PCLO: variants seen among roughly 807,000 people sequenced by gnomAD.
The protein encoded by PCLO is piccolo presynaptic cytomatrix protein.
PCLO carries 82 observed loss-of-function variants against 427.5 expected under a neutral mutation model. That is an observed-to-expected ratio of 0.19 (90% CI 0.16 to 0.23). The LOEUF is 0.23. Ranked by LOEUF, PCLO falls within the 10% of genes least tolerant of loss-of-function variation. The probability of loss-of-function intolerance (pLI) is 1.00; values close to 1 mark genes in which losing one functional copy is unlikely to be tolerated. For synonymous variants in PCLO, 2,357 were observed against 2,155.4 expected, an observed-to-expected ratio of 1.09 and a Z score of -2.59; for missense variants, 6,239 against 6,115.9, an observed-to-expected ratio of 1.02 and a Z score of -0.67.
At position 82,943,906 on chromosome 7, in the gene PCLO, C is replaced by G. The variant is rs150034968; in HGVS notation, c.11112+5570G>C. Among the ~76,000 whole-genome samples the G allele has an allele frequency of 6.4e-3, 967 of 151,814 alleles. 15 individuals are homozygous for G. The highest frequency in any genetic ancestry group is 0.022 in the African/African-American group (906 of 41,396). ...GGTGCGGTGGCTCACGTCTGTAATG[C>G]CAGCACTCTGGGAGGCCGAGGCGGG... On this transcript the variant is annotated intron_variant, in intron 6 of 24. Transcript: ENST00000333891.
At chr7:82,905,145 A>T (rs1311596029) in intron 8 of PCLO, among the ~76,000 whole-genome samples, 1 of 152,042 alleles carries the variant, frequency 6.6e-6, no homozygotes, top group African/African-American at 2.4e-5. Flanking sequence ...CCTCTCCCCA[A>T]GGGGATGGTC....
chr7:83,028,802 C>T (rs949850401), intron 3 of PCLO, among the ~76,000 whole-genome samples: 26 of 149,284 alleles, frequency 1.7e-4, no homozygotes, highest in African/African-American at 5.6e-4. Flanking sequence ...GAAATAACGC[C>T]GCGTATCTAC....
chr7:82,887,793 C>T (rs1793661588), intron 9 of PCLO, among the ~76,000 whole-genome samples: 1 of 151,686 alleles, frequency 6.6e-6, no homozygotes, highest in Admixed American at 6.6e-5. Flanking sequence ...CAATATATTC[C>T]TAAGCAAGGC....
At chr7:82,917,802 T>A (rs1200431133) in intron 6 of PCLO, among the ~76,000 whole-genome samples, 2 of 151,888 alleles carry the variant, frequency 1.3e-5, no homozygotes, top group African/African-American at 4.8e-5. Context: ...AATTCTCCAA[T>A]TTTCCCCAGT....
chr7:82,969,327 C>G (rs929169337), intron 3 of PCLO, among the ~76,000 whole-genome samples: 1 of 152,022 alleles, frequency 6.6e-6, no homozygotes, highest in African/African-American at 2.4e-5. Flanking sequence ...AACCATTAAA[C>G]TACTAAGGTT....
chr7:82,803,356 C>T (rs7796177), intron 21 of PCLO, among the ~76,000 whole-genome samples: 44,920 of 151,814 alleles, frequency 0.3, 8,298 homozygotes, highest in East Asian at 0.55. Flanking sequence ...CTATCCCAGA[C>T]TTTTAAAAAG....
intron 3 of PCLO, among the ~76,000 whole-genome samples, chr7:83,091,444 T>C (rs1394711043): frequency 1.3e-5 from 2 of 152,132 alleles, no homozygotes; most frequent in Non-Finnish European, 2.9e-5. Flanking sequence ...CCCCAGTACT[T>C]TGCCACTTCT....
intron 10 of PCLO, among the ~76,000 whole-genome samples, chr7:82,861,724 G>C (rs1792961644): frequency 6.6e-6 from 1 of 151,942 alleles, no homozygotes; most frequent in African/African-American, 2.4e-5. Context: ...TAGACCACAT[G>C]TTAGGTCACA....
intron 20 of PCLO, among the ~76,000 whole-genome samples, chr7:82,807,436 A>C (rs1410189645): frequency 6.6e-6 from 1 of 152,150 alleles, no homozygotes; most frequent in African/African-American, 2.4e-5. Flanking sequence ...ATATTTCTTA[A>C]GGATATGTAT....
At chr7:83,067,505 A>T (rs1490440269) in intron 3 of PCLO, among the ~76,000 whole-genome samples, 2 of 152,146 alleles carry the variant, frequency 1.3e-5, no homozygotes, top group Non-Finnish European at 1.5e-5. Context: ...TGTAATAAAG[A>T]CAAAGAGTAC....
At chr7:83,021,253 C>T (rs984561461) in intron 3 of PCLO, among the ~76,000 whole-genome samples, 10 of 152,152 alleles carry the variant, frequency 6.6e-5, no homozygotes, top group Admixed American at 5.2e-4. Flanking sequence ...GCCCTGTAAT[C>T]ATTAAACACT....
intron 8 of PCLO, among the ~76,000 whole-genome samples, chr7:82,903,676 T>C (rs1043259494): frequency 1.3e-5 from 2 of 151,990 alleles, no homozygotes; most frequent in Admixed American, 6.6e-5. Flanking sequence ...TTTATTTGTA[T>C]GGAATTTTGT....
chr7:83,044,443 A>C (rs774796974), intron 3 of PCLO, among the ~76,000 whole-genome samples: 29 of 152,220 alleles, frequency 1.9e-4, no homozygotes, highest in Non-Finnish European at 3.7e-4. Flanking sequence ...ATAGCAGATA[A>C]TCTCATAAAA....
At chr7:83,002,424 C>T (rs1787846121) in intron 3 of PCLO, among the ~76,000 whole-genome samples, 1 of 151,690 alleles carries the variant, frequency 6.6e-6, no homozygotes, top group East Asian at 1.9e-4. Context: ...TATTGTTTGT[C>T]TTTCACATTT....
At chr7:82,886,332 A>G (rs1793626796) in intron 9 of PCLO, among the ~76,000 whole-genome samples, 1 of 151,674 alleles carries the variant, frequency 6.6e-6, no homozygotes, top group African/African-American at 2.4e-5. Context: ...TTAATATTAT[A>G]GCTTTTAGCA....
chr7:82,971,153 C>A (rs1411988886), intron 3 of PCLO, among the ~76,000 whole-genome samples: 1 of 151,678 alleles, frequency 6.6e-6, no homozygotes, highest in Non-Finnish European at 1.5e-5. Context: ...TGTTTCTGGT[C>A]CAGTAGCAAC....
rs192658228 is a variant in PCLO, at chr7:82,988,937, C to T, written c.3301-22450G>A. Among the ~76,000 whole-genome samples, 254 of 151,946 alleles carry T rather than the reference C, an allele frequency of 1.7e-3. 1 individual carries two copies. The Middle Eastern group carries it at 0.017, about 10-fold the overall frequency. On this transcript the variant is annotated intron_variant, in intron 3 of 24. Transcript: ENST00000333891. Reference sequence around the variant, plus strand: ...GCAACCTCTGCCTCCCGGGTTCAAGCGATTCTCCTGCCTCAGCCTCCTGAG... The same window carrying T: ...GCAACCTCTGCCTCCCGGGTTCAAGTGATTCTCCTGCCTCAGCCTCCTGAG...
chr7:82,940,209 G>A (rs1237476463), intron 6 of PCLO, among the ~76,000 whole-genome samples: 1 of 152,116 alleles, frequency 6.6e-6, no homozygotes, highest in African/African-American at 2.4e-5. Context: ...CTCGACTCCT[G>A]CCACAAGTGA....
intron 3 of PCLO, among the ~76,000 whole-genome samples, chr7:83,064,166 A>G (rs1789606870): frequency 6.6e-6 from 1 of 152,054 alleles, no homozygotes. Flanking sequence ...TTATGGGACA[A>G]AGACACAATA....
Sources: gnomAD v4.1 joint callset for allele counts (sites outside exome capture counted in the v4.1 genomes callset) on GRCh38, gnomAD v4.1.1 for gene constraint, MANE v1.5 for transcripts, NCBI Gene and HGNC (gene_info 2026-07-23, HGNC 2026-07-21) for gene names.